CHLSN: variants seen among roughly 807,000 people sequenced by gnomAD.
The protein encoded by CHLSN is protein cholesin.
At chr7:996,888 A>G in the CHLSN span, 2 of 152,270 alleles carry the variant, frequency 1.3e-5, no homozygotes, top group East Asian at 1.9e-4. Flanking sequence ...AGCGCCCCCA[A>G]TGCCATCCTG....
the CHLSN span, among the ~76,000 whole-genome samples, chr7:1,029,700 G>A: frequency 6.6e-6 from 1 of 150,522 alleles, no homozygotes; most frequent in African/African-American, 2.4e-5. Context: ...GACACACTGA[G>A]CTCTGGTCGC....
At chr7:1,091,637 G>C in the CHLSN span, 1 of 980,854 alleles carries the variant, frequency 1.0e-6, no homozygotes, top group Middle Eastern at 2.2e-4. Flanking sequence ...ACTTCAAGGA[G>C]AATCACGCTT....
the CHLSN span, chr7:1,092,095 T>C: frequency 6.2e-7 from 1 of 1,613,860 alleles, no homozygotes; most frequent in African/African-American, 1.3e-5. Flanking sequence ...GCACGAGCGG[T>C]ACTACGACAT....
the CHLSN span, among the ~76,000 whole-genome samples, chr7:1,016,978 A>AGCAGCACACG: frequency 7.7e-5 from 5 of 64,556 alleles, 1 homozygote; most frequent in African/African-American, 1.8e-4. Context: ...GCCAGCACAC[A>AGCAGCACACG]CCAGCGCACA....
chr7:1,108,833 C>G, the CHLSN span, among the ~76,000 whole-genome samples: 1 of 151,890 alleles, frequency 6.6e-6, no homozygotes, highest in South Asian at 2.1e-4. Flanking sequence ...TGGGTCTCTT[C>G]TTTACCACCT....
the CHLSN span, among the ~76,000 whole-genome samples, chr7:1,127,766 G>A: frequency 1.5e-5 from 1 of 64,884 alleles, no homozygotes; most frequent in Non-Finnish European, 2.8e-5. Flanking sequence ...TCATCTCACC[G>A]TCACCCAGGC....
At chr7:1,004,411 C>G in the CHLSN span, among the ~76,000 whole-genome samples, 1 of 152,186 alleles carries the variant, frequency 6.6e-6, no homozygotes, top group African/African-American at 2.4e-5. Context: ...AGCCCACGCA[C>G]GGTGAGTCAG....
At chr7:1,127,232 G>T in the CHLSN span, 1 of 1,580,206 alleles carries the variant, frequency 6.3e-7, no homozygotes. Flanking sequence ...AGAGGGCAGG[G>T]CCAGTGAAGC....
chr7:1,072,687 T>A, the CHLSN span, among the ~76,000 whole-genome samples: 1 of 145,450 alleles, frequency 6.9e-6, no homozygotes, highest in Non-Finnish European at 1.5e-5. Context: ...TTTTTTTTTT[T>A]TTTTTTTTTT....
the CHLSN span, among the ~76,000 whole-genome samples, chr7:998,577 T>A: frequency 6.7e-6 from 1 of 150,304 alleles, no homozygotes; most frequent in South Asian, 2.1e-4. Flanking sequence ...CCCAAGTAGC[T>A]GGGATTATAG....
the CHLSN span, among the ~76,000 whole-genome samples, chr7:980,876 A>G: frequency 6.6e-6 from 1 of 151,762 alleles, no homozygotes; most frequent in East Asian, 2.0e-4. Flanking sequence ...TTTAGTAGAG[A>G]TGGGGTTTTG....
the CHLSN span, among the ~76,000 whole-genome samples, chr7:1,017,834 G>A: frequency 2.0e-5 from 3 of 152,228 alleles, no homozygotes; most frequent in Non-Finnish European, 4.4e-5. Flanking sequence ...AGGCGCTCTG[G>A]GGCCCAGCAT....
chr7:989,763 G>T, the CHLSN span: 1 of 195,096 alleles, frequency 5.1e-6, no homozygotes, highest in South Asian at 7.3e-5. Context: ...CTGGGTGACA[G>T]AGCGAGATTC....
chr7:999,439 TGCA>T, the CHLSN span, among the ~76,000 whole-genome samples: 1 of 152,202 alleles, frequency 6.6e-6, no homozygotes, highest in Non-Finnish European at 1.5e-5. Flanking sequence ...ACAATCGGCT[TGCA>T]ATAGGGCTTG....
At chr7:992,020 C>G in the CHLSN span, among the ~76,000 whole-genome samples, 1 of 152,206 alleles carries the variant, frequency 6.6e-6, no homozygotes, top group African/African-American at 2.4e-5. Context: ...GCGAGCCCAG[C>G]TTCCTCACGC....
the CHLSN span, chr7:1,092,651 T>A: frequency 6.8e-6 from 11 of 1,612,970 alleles, no homozygotes; most frequent in Non-Finnish European, 9.3e-6. Flanking sequence ...ACGGGCCACA[T>A]TGTCAACCTC....
the CHLSN span, among the ~76,000 whole-genome samples, chr7:1,017,066 G>A: frequency 6.6e-6 from 1 of 152,220 alleles, no homozygotes; most frequent in Admixed American, 6.5e-5. Flanking sequence ...ATGTCATTGA[G>A]GGTGTGGGGT....
At chr7:1,059,637 TAGTG>T in the CHLSN span, among the ~76,000 whole-genome samples, 2 of 66,448 alleles carry the variant, frequency 3.0e-5, no homozygotes, top group African/African-American at 1.2e-4. Flanking sequence ...GGGCGGGTCT[TAGTG>T]AGGCAGGTCT....
chr7:1,041,358 G>GGGTCCGCGCCGCGGGGAACGGGA, the CHLSN span, among the ~76,000 whole-genome samples: 1 of 57,606 alleles, frequency 1.7e-5, no homozygotes, highest in Non-Finnish European at 3.5e-5. Flanking sequence ...GGGGAAGGGG[G>GGGTCCGCGCCGCGGGGAACGGGA]CCTGGGGTCC....
Sources: allele counts gnomAD v4.1 joint callset (sites outside exome capture counted in the v4.1 genomes callset), GRCh38; gene constraint gnomAD v4.1.1; transcripts MANE v1.5; gene names NCBI Gene and HGNC (gene_info 2026-07-23, HGNC 2026-07-21).